The following VPS41 variants were observed in gnomAD, a reference collection of about 807,000 sequenced individuals.
VPS41 encodes VPS41 subunit of HOPS complex.
In VPS41, 85 loss-of-function variants were observed where a neutral mutation model predicts 130.9. That is an observed-to-expected ratio of 0.65 (90% CI 0.55 to 0.78). The LOEUF (loss-of-function observed/expected upper bound fraction) is 0.78. VPS41 is among the 30% of genes least tolerant of loss of function. VPS41 has a pLI of 0.00. For missense variants in VPS41, 874 were observed against 1,018.7 expected, an observed-to-expected ratio of 0.86 and a Z score of 1.93; for synonymous variants, 335 against 332.9, an observed-to-expected ratio of 1.01 and a Z score of -0.07.
chr7:38,862,872 G>C (rs1245800312), intron 3 of VPS41, among the ~76,000 whole-genome samples: 1 of 152,112 alleles, frequency 6.6e-6, no homozygotes, highest in Non-Finnish European at 1.5e-5. Flanking sequence ...GACAACTAAT[G>C]GTGTGTATGC....
intron 6 of VPS41, among the ~76,000 whole-genome samples, chr7:38,820,798 A>G (rs1456211597): frequency 6.6e-6 from 1 of 152,176 alleles, no homozygotes; most frequent in Non-Finnish European, 1.5e-5. Flanking sequence ...GTCCTTCTCC[A>G]TTTATTAAAG....
At chr7:38,779,360 C>G (rs1784317708) in intron 10 of VPS41, among the ~76,000 whole-genome samples, 1 of 152,072 alleles carries the variant, frequency 6.6e-6, no homozygotes, top group Admixed American at 6.5e-5. Flanking sequence ...TTCCCTTATA[C>G]CAACAAAAAT....
intron 1 of VPS41, among the ~76,000 whole-genome samples, chr7:38,898,967 G>A (rs1405167692): frequency 6.6e-6 from 1 of 151,968 alleles, no homozygotes; most frequent in Non-Finnish European, 1.5e-5. Flanking sequence ...AAAAAATGGG[G>A]CAAGGACATT....
chr7:38,785,058 A>G (rs964459098), intron 10 of VPS41, among the ~76,000 whole-genome samples: 5 of 152,214 alleles, frequency 3.3e-5, no homozygotes, highest in African/African-American at 9.6e-5. Context: ...CATTTATGAA[A>G]ATGCATTGAG....
chr7:38,726,529 A>G (rs1297201998), intron 28 of VPS41, among the ~76,000 whole-genome samples: 1 of 152,190 alleles, frequency 6.6e-6, no homozygotes, highest in Non-Finnish European at 1.5e-5. Flanking sequence ...ACCCAACAGC[A>G]GAATACGTCT....
chr7:38,852,502 C>G (rs150663235), intron 4 of VPS41, among the ~76,000 whole-genome samples: 1,559 of 152,292 alleles, frequency 0.01, 6 homozygotes, highest in Non-Finnish European at 0.014. Flanking sequence ...TCAAACCAAC[C>G]TCTTGTGTGG....
At chr7:38,812,265 A>G (rs1784959417) in intron 7 of VPS41, among the ~76,000 whole-genome samples, 1 of 152,074 alleles carries the variant, frequency 6.6e-6, no homozygotes, top group African/African-American at 2.4e-5. Flanking sequence ...TGGTTAACCA[A>G]TTTTCCACAA....
chr7:38,727,080 A>C, intron 27 of VPS41, 92 bp from the exon 28 acceptor site: 1 of 1,227,024 alleles, frequency 8.1e-7, no homozygotes, highest in Non-Finnish European at 1.1e-6. Flanking sequence ...TTGCAGTTTA[A>C]TTTTCAGCAA....
At chr7:38,885,884 T>C (rs1035734678) in intron 2 of VPS41, among the ~76,000 whole-genome samples, 2 of 151,838 alleles carry the variant, frequency 1.3e-5, no homozygotes, top group Non-Finnish European at 2.9e-5. Flanking sequence ...GAAAATACAA[T>C]AACCAAAAGA....
At chr7:38,817,978 T>C (rs1203532945) in intron 6 of VPS41, 96 bp from the exon 7 acceptor site, 4 of 939,270 alleles carry the variant, frequency 4.3e-6, no homozygotes, top group Non-Finnish European at 6.9e-6. Flanking sequence ...GATCTAAAAA[T>C]TATCCTGAAA....
chr7:38,815,177 G>A (rs1042317658), intron 7 of VPS41, among the ~76,000 whole-genome samples: 2 of 152,086 alleles, frequency 1.3e-5, no homozygotes, highest in Admixed American at 6.5e-5. Context: ...TAATACCAAC[G>A]CTTTGGGAGG....
At chr7:38,898,330 T>G (rs1462996488) in intron 1 of VPS41, among the ~76,000 whole-genome samples, 2 of 152,214 alleles carry the variant, frequency 1.3e-5, no homozygotes, top group Non-Finnish European at 2.9e-5. Context: ...CAGATCCTGC[T>G]GCTCTCCCTC....
At chr7:38,837,204 T>C (rs1584420310) in intron 4 of VPS41, among the ~76,000 whole-genome samples, 1 of 150,280 alleles carries the variant, frequency 6.7e-6, no homozygotes, top group South Asian at 2.1e-4. Flanking sequence ...GACATTAGGG[T>C]AGGCCTGCCA....
At chr7:38,746,984 T>G (rs1795997137) in intron 22 of VPS41, among the ~76,000 whole-genome samples, 2 of 152,174 alleles carry the variant, frequency 1.3e-5, no homozygotes. Flanking sequence ...CCACCAACAC[T>G]TCCACGTGAC....
intron 2 of VPS41, among the ~76,000 whole-genome samples, chr7:38,879,286 G>T (rs1487438588): frequency 6.6e-6 from 1 of 152,132 alleles, no homozygotes; most frequent in Non-Finnish European, 1.5e-5. Flanking sequence ...ATTCACTACA[G>T]AAATGGGCAG....
intron 12 of VPS41, among the ~76,000 whole-genome samples, chr7:38,773,192 T>C (rs966475614): frequency 6.6e-6 from 1 of 152,144 alleles, no homozygotes; most frequent in Non-Finnish European, 1.5e-5. Flanking sequence ...ACATAATCTA[T>C]CATTTCAGCA....
rs150709658 is a variant in VPS41, at chr7:38,830,296, A to G, written c.279T>C (p.Asp93=). ...ACACACCCATGTGCTCTCCACTTTC[A>G]TCCAAGCTAATCTGATTTATCTTCA... ...SPVKINQISL[D]ESGEHMGVCS... Residue 93 remains aspartate, a synonymous_variant, in exon 5 of 29, where the codon GAT becomes GAC. Coordinates refer to ENST00000310301, the MANE Select transcript of VPS41 (RefSeq NM_014396.4). 2 of 1,612,894 alleles carry G rather than the reference A, an allele frequency of 1.2e-6. No homozygotes were observed. The highest frequency in any genetic ancestry group is 1.7e-6 in the Non-Finnish European group (2 of 1,178,956).
At chr7:38,772,922 C>A (rs1784182873) in intron 12 of VPS41, among the ~76,000 whole-genome samples, 2 of 151,428 alleles carry the variant, frequency 1.3e-5, no homozygotes. Context: ...TACTAAAAAA[C>A]TTGAAAAAAA....
intron 4 of VPS41, among the ~76,000 whole-genome samples, chr7:38,860,693 CTGTTTGTGTGTGTGTG>C (rs1261937543): frequency 7.4e-6 from 1 of 134,342 alleles, no homozygotes; most frequent in Non-Finnish European, 1.6e-5. Context: ...TATTAACAAT[CTGTTTGTGTGTGTGTG>C]TGTGTGTGTG....
Sources: gnomAD v4.1 joint callset for allele counts (sites outside exome capture counted in the v4.1 genomes callset) on GRCh38, gnomAD v4.1.1 for gene constraint, MANE v1.5 for transcripts, NCBI Gene and HGNC (gene_info 2026-07-23, HGNC 2026-07-21) for gene names.